Variants in INPP1 observed in about 807,000 individuals in gnomAD.
INPP1 encodes inositol polyphosphate 1-phosphatase.
In INPP1, 18 loss-of-function variants were observed where a neutral mutation model predicts 23.0. The ratio of observed to expected loss-of-function variants is 0.78; its 90% CI spans 0.54 to 1.16. INPP1 has a LOEUF of 1.16. INPP1 is among the 50% of genes most tolerant of loss of function. The pLI is 0.00. For missense variants in INPP1, 448 were observed against 482.1 expected (o/e 0.93, Z 0.66); for synonymous variants, 164 against 176.3 (o/e 0.93, Z 0.55).
At position 190,368,870 on chromosome 2, in the gene INPP1, A is replaced by G. The variant is rs1201379800; in HGVS notation, c.467-233A>G. On this transcript the variant is annotated intron_variant, in intron 5 of 6. Coordinates refer to ENST00000392329, the MANE Select transcript of INPP1 (RefSeq NM_001128928.2). The surrounding 1 kb of genome is among the most constrained non-coding windows in gnomAD (Gnocchi z 4.3). ...GAATGCCTGTTATATACAAATTGCT[A>G]TGCCACAGGAACTATAGACACATCC... is the stretch of plus-strand genomic sequence containing the variant. 3 of 326,980 alleles carry G rather than the reference A, an allele frequency of 9.2e-6. No homozygotes were observed. Among genetic ancestry groups the G allele is most frequent in the Non-Finnish European group, 1.7e-5 (3 of 180,072 alleles). 20.3% of individuals were successfully genotyped at this position (326,980 alleles called of 1,614,324 possible).
chr2:190,346,430 A>C lies in INPP1; in HGVS notation c.-208-2458A>C, dbSNP rs1314169203. Among the ~76,000 whole-genome samples, 3 of 152,170 alleles carry C rather than the reference A, an allele frequency of 2.0e-5. No homozygotes were observed. The highest frequency in any genetic ancestry group is 2.9e-5 in the Non-Finnish European group (2 of 68,026). ...GAAACTTTTATATTTTTTTCTGGTC[A>C]AGCTTCTGCTGATCAAATTTAGCAA... is the stretch of plus-strand genomic sequence containing the variant. On this transcript the variant is annotated intron_variant, in intron 1 of 6. Transcript: ENST00000392329. This position sits in a 1 kb window ranked among gnomAD's most constrained non-coding sequence, Gnocchi z 5.1.
intron 6 of INPP1, among the ~76,000 whole-genome samples, chr2:190,369,649 T>C (rs1689761216): frequency 6.6e-6 from 1 of 152,218 alleles, no homozygotes; most frequent in African/African-American, 2.4e-5. Flanking sequence ...GTATAGCCAG[T>C]TGAACTTTGG....
chr2:190,366,302 G>A (rs1040909652), intron 4 of INPP1, among the ~76,000 whole-genome samples: 31 of 94,534 alleles, frequency 3.3e-4, no homozygotes, highest in South Asian at 1.5e-3. Flanking sequence ...TGTCTCTCTC[G>A]CTCTGTCTCA....
intron 4 of INPP1, among the ~76,000 whole-genome samples, chr2:190,366,267 C>T (rs1416230418): frequency 4.2e-5 from 5 of 119,138 alleles, no homozygotes; most frequent in Non-Finnish European, 8.5e-5. Context: ...GTCTCTTTCA[C>T]TCTTCCTGTC....
rs1164519924 is a variant in INPP1, at chr2:190,345,823, G to A, written c.-209+1862G>A. Among the ~76,000 whole-genome samples the A allele has an allele frequency of 6.6e-6, 1 of 151,986 alleles. No homozygotes were observed. Among genetic ancestry groups the A allele is most frequent in the Non-Finnish European group, 1.5e-5 (1 of 68,006 alleles). On this transcript the variant is annotated intron_variant, in intron 1 of 6. Coordinates refer to ENST00000392329, the MANE Select transcript of INPP1 (RefSeq NM_001128928.2). This position sits in a 1 kb window ranked among gnomAD's most constrained non-coding sequence, Gnocchi z 4.9. ...AGCCTGGCCAACATGGTGAAACCCC[G>A]TCTCTAGTAAAAATACAAAAATTAG...
chr2:190,350,806 T>G (rs1375062583), intron 2 of INPP1, among the ~76,000 whole-genome samples: 3 of 152,228 alleles, frequency 2.0e-5, no homozygotes, highest in Non-Finnish European at 2.9e-5. Context: ...TTAAACTCAC[T>G]ATTTTGAGTG....
chr2:190,355,682 G>C lies in INPP1; in HGVS notation c.-64-4357G>C, dbSNP rs1689407715. Among the ~76,000 whole-genome samples the C allele has an allele frequency of 6.6e-6, 1 of 152,090 alleles. No individual in the cohort carries two copies. The highest frequency in any genetic ancestry group is 6.5e-5 in the Admixed American group (1 of 15,276). ...CTATAGTCAAGGCTATTAAATTATG[G>C]TAAATGCCATAACTTACTAATCATA... is the stretch of plus-strand genomic sequence containing the variant. On this transcript the variant is annotated intron_variant, in intron 2 of 6. Coordinates refer to ENST00000392329, the MANE Select transcript of INPP1 (RefSeq NM_001128928.2). This position sits in a 1 kb window ranked among gnomAD's most constrained non-coding sequence, Gnocchi z 5.1.
intron 4 of INPP1, 97 bp from the exon 5 acceptor site, chr2:190,366,594 TCTCG>T: frequency 1.2e-6 from 1 of 847,810 alleles, no homozygotes; most frequent in Non-Finnish European, 2.0e-6. Flanking sequence ...TGTCTCTCTC[TCTCG>T]CTCTCTCTGT....
rs369689788 is a variant in INPP1 at position 190,345,950 on chromosome 2, C to T, written c.-209+1989C>T. Among the ~76,000 whole-genome samples the T allele has an allele frequency of 1.3e-5, 2 of 152,244 alleles. No homozygotes were observed. Among genetic ancestry groups the T allele is most frequent in the Admixed American group, 6.5e-5 (1 of 15,282 alleles). On this transcript the variant is annotated intron_variant, in intron 1 of 6. Coordinates refer to ENST00000392329, the MANE Select transcript of INPP1 (RefSeq NM_001128928.2). The surrounding 1 kb of genome is among the most constrained non-coding windows in gnomAD (Gnocchi z 4.9). ...CAGAGGTTGCAGTGAGCCCAGATCG[C>T]GCCACTGCACTCCAGCCTGGGCGAC... is the stretch of plus-strand genomic sequence containing the variant.
chr2:190,361,546 G>A (rs748487935), intron 3 of INPP1, among the ~76,000 whole-genome samples: 5 of 152,176 alleles, frequency 3.3e-5, no homozygotes, highest in Non-Finnish European at 7.4e-5. Context: ...GGATGGTTGA[G>A]CAACTGGATT....
intron 1 of INPP1, among the ~76,000 whole-genome samples, chr2:190,344,932 T>C (rs1321873490): frequency 6.6e-6 from 1 of 152,190 alleles, no homozygotes; most frequent in Non-Finnish European, 1.5e-5. Context: ...GAAAAGTTGA[T>C]AAGGATCAGC....
chr2:190,370,261 C>A (rs1001588499), intron 6 of INPP1, among the ~76,000 whole-genome samples: 24 of 152,140 alleles, frequency 1.6e-4, no homozygotes, highest in African/African-American at 5.6e-4. Flanking sequence ...TTTCTCTAAG[C>A]CTGTTTCCTT....
chr2:190,364,335 T>G (rs547942483), intron 4 of INPP1, among the ~76,000 whole-genome samples: 8 of 151,956 alleles, frequency 5.3e-5, no homozygotes, highest in East Asian at 2.0e-4. Context: ...GTCAGGAAAT[T>G]GAGTCCATCC....
chr2:190,366,018 T>C (rs1689648065), intron 4 of INPP1, among the ~76,000 whole-genome samples: 1 of 140,506 alleles, frequency 7.1e-6, no homozygotes, highest in Admixed American at 7.4e-5. Context: ...TCTGTCTCGC[T>C]CTCTCTCGCT....
rs754517367 is a variant in INPP1 at position 190,369,258 on chromosome 2, C to T, written c.622C>T (p.Arg208Ter). Residue 208 changes from arginine (R) to a stop codon, truncating the protein, a stop_gained, in exon 6 of 7, where the codon CGA (arginine) becomes TGA (stop). Transcript: ENST00000392329. LOFTEE classifies it low-confidence loss of function (END_TRUNC). The stretch of plus-strand genomic sequence containing the variant: ...AGTCATCAATCAACCTTTTGTGTCA[C>T]GAGATCCAAACACCCTCAGGTAAAA... The part of the protein sequence containing the change: ...MGVINQPFVS[R>*]DPNTLRWKGQ... 3.8e-6 allele frequency: 6 copies of T among 1,586,120 alleles called. No homozygotes were observed. The highest frequency in any genetic ancestry group is 4.3e-6 in the Non-Finnish European group (5 of 1,160,012).
rs1241107919 is a variant in INPP1 at position 190,355,328 on chromosome 2, C to T, written c.-64-4711C>T. 6.6e-6 allele frequency among the ~76,000 whole-genome samples: 1 copy of T among 152,202 alleles called. No homozygotes were observed. The highest frequency in any genetic ancestry group is 1.5e-5 in the Non-Finnish European group (1 of 68,034). ...TAGCTGTTTCAATTTTAACCTATCT[C>T]TGCACAAGAATAACAGATAGCAAAA... On this transcript the variant is annotated intron_variant, in intron 2 of 6. Coordinates refer to ENST00000392329, the MANE Select transcript of INPP1 (RefSeq NM_001128928.2). This position sits in a 1 kb window ranked among gnomAD's most constrained non-coding sequence, Gnocchi z 5.1.
chr2:190,363,348 T>G lies in INPP1; in HGVS notation c.265+661T>G, dbSNP rs1269899145. 6.6e-6 allele frequency among the ~76,000 whole-genome samples: 1 copy of G among 152,196 alleles called. No individual in the cohort carries two copies. Among genetic ancestry groups the G allele is most frequent in the Admixed American group, 6.5e-5 (1 of 15,282 alleles). On this transcript the variant is annotated intron_variant, in intron 4 of 6. Transcript: ENST00000392329. This position sits in a 1 kb window ranked among gnomAD's most constrained non-coding sequence, Gnocchi z 4.4. The stretch of plus-strand genomic sequence containing the variant: ...CCTGGATTCAAGCCATTCTCCTGCC[T>G]CATCCTCCTGAGTGGCTGGGATTAC...
intron 3 of INPP1, among the ~76,000 whole-genome samples, chr2:190,361,684 T>A (rs758442831): frequency 1.3e-5 from 2 of 152,216 alleles, no homozygotes; most frequent in African/African-American, 4.8e-5. Context: ...AATATCTTTA[T>A]TTCATGAGGC....
chr2:190,366,689 C>A lies in INPP1; in HGVS notation c.266-6C>A. 6.2e-7 allele frequency: 1 copy of A among 1,604,716 alleles called. No individual in the cohort carries two copies. Among genetic ancestry groups the A allele is most frequent in the Non-Finnish European group, 8.5e-7 (1 of 1,171,584 alleles). On this transcript the variant is annotated splice_polypyrimidine_tract_variant and splice_region_variant and intron_variant, in intron 4 of 6. Coordinates refer to ENST00000392329, the MANE Select transcript of INPP1 (RefSeq NM_001128928.2). ...TGTAATGGCTTATCGTGTGGCTTTA[C>A]CCTAGGGGAAAAGATTACCTTGAGG...
Sources: allele counts gnomAD v4.1 joint callset (sites outside exome capture counted in the v4.1 genomes callset), GRCh38; gene constraint gnomAD v4.1.1; non-coding constraint Gnocchi (gnomAD v3.1); transcripts MANE v1.5; gene names NCBI Gene and HGNC (gene_info 2026-07-23, HGNC 2026-07-21).